The following SLCO3A1 variants were observed in gnomAD, a reference collection of about 807,000 sequenced individuals.
SLCO3A1 encodes PGE1 transporter.
SLCO3A1 carries 27 observed loss-of-function variants against 63.1 expected under a neutral mutation model. The observed-to-expected ratio is 0.43, with a 90% CI of 0.32 to 0.59. The LOEUF (loss-of-function observed/expected upper bound fraction) is 0.59, where lower values mean the gene tolerates loss of function less well. SLCO3A1 is among the 20% of genes least tolerant of loss of function. The probability of loss-of-function intolerance (pLI) is 0.09; values close to 1 mark genes in which losing one functional copy is unlikely to be tolerated. For missense variants in SLCO3A1, 773 were observed against 945.8 expected, an observed-to-expected ratio of 0.82 and a Z score of 2.40; for synonymous variants, 473 against 409.9, an observed-to-expected ratio of 1.15 and a Z score of -1.86.
rs767940413 is a variant in SLCO3A1 at position 91,860,893 on chromosome 15, CA to C, written c.180+6807del. Among the ~76,000 whole-genome samples the C allele has an allele frequency of 5.3e-5, 8 of 152,100 alleles. No individual in the cohort carries two copies. The highest frequency in any genetic ancestry group is 1.2e-4 in the Non-Finnish European group (8 of 68,020). The stretch of plus-strand genomic sequence containing the variant: ...TTTTTTTGGTTTCTCATAAGCAGAA[CA>C]ATGGACCTGTTCCTGCAACCTGGTT... On this transcript the variant is annotated intron_variant, in intron 1 of 9. Coordinates refer to ENST00000318445, the MANE Select transcript of SLCO3A1 (RefSeq NM_013272.4). The surrounding 1 kb of genome is among the most constrained non-coding windows in gnomAD (Gnocchi z 5.5).
At position 91,916,447 on chromosome 15, in the gene SLCO3A1, C is replaced by A; in HGVS notation, c.635C>A (p.Ser212Ter). The A allele has an allele frequency of 6.2e-7, 1 of 1,607,118 alleles. No individual in the cohort carries two copies. The highest frequency in any genetic ancestry group is 8.5e-7 in the Non-Finnish European group (1 of 1,176,880). The change falls in exon 2 of 10, where the codon TCG becomes TAG. Residue 212 changes from serine to a stop codon, truncating the protein, a stop_gained. Transcript: ENST00000318445. LOFTEE classifies it high-confidence loss of function. This position sits in a 1 kb window ranked among gnomAD's most constrained non-coding sequence, Gnocchi z 6.2. ...GACCACGTGCGGAGGAAGGACTCCTCGCTCTATATAGGTAGGAGCTGCCCC... is the reference window on the plus strand; with the variant it reads ...GACCACGTGCGGAGGAAGGACTCCTAGCTCTATATAGGTAGGAGCTGCCCC... ...IDDHVRRKDS[S>*]LYIGILFTML...
At chr15:92,076,181 G>A (rs2047274015) in intron 2 of SLCO3A1, among the ~76,000 whole-genome samples, 1 of 152,192 alleles carries the variant, frequency 6.6e-6, no homozygotes, top group East Asian at 1.9e-4. Flanking sequence ...CTCACATCTT[G>A]ACTGTTTTCC....
At chr15:91,893,265 G>A (rs1897916904) in intron 1 of SLCO3A1, among the ~76,000 whole-genome samples, 1 of 152,218 alleles carries the variant, frequency 6.6e-6, no homozygotes, top group Non-Finnish European at 1.5e-5. Flanking sequence ...CTGTTGGACA[G>A]CCCTGTTCCA....
At chr15:92,154,438 G>A (rs886548938) in intron 9 of SLCO3A1, among the ~76,000 whole-genome samples, 2 of 152,234 alleles carry the variant, frequency 1.3e-5, no homozygotes, top group Admixed American at 1.3e-4. Context: ...CACTTGAAAT[G>A]TGGCTTCTGT....
chr15:91,978,244 TC>T (rs1901194024), intron 2 of SLCO3A1, among the ~76,000 whole-genome samples: 2 of 152,192 alleles, frequency 1.3e-5, no homozygotes, highest in Admixed American at 6.5e-5. Context: ...TGCGGTACCC[TC>T]CCTTCTCACT....
chr15:92,142,279 A>G (rs1421135420), intron 7 of SLCO3A1, among the ~76,000 whole-genome samples: 2 of 152,206 alleles, frequency 1.3e-5, no homozygotes, highest in African/African-American at 4.8e-5. Flanking sequence ...TGGCTGCTAT[A>G]TCAAAACACT....
chr15:92,107,857 C>T (rs1475993042), intron 4 of SLCO3A1, among the ~76,000 whole-genome samples: 1 of 152,240 alleles, frequency 6.6e-6, no homozygotes, highest in African/African-American at 2.4e-5. Context: ...TCAGTCGCTT[C>T]TTAATCATGC....
intron 2 of SLCO3A1, among the ~76,000 whole-genome samples, chr15:92,016,239 A>T (rs993848773): frequency 4.2e-4 from 27 of 63,784 alleles, no homozygotes; most frequent in African/African-American, 2.5e-3. Flanking sequence ...ATAGATAGAT[A>T]GATAGATAGA....
chr15:91,944,758 C>CT (rs768147627), intron 2 of SLCO3A1, among the ~76,000 whole-genome samples: 7 of 152,008 alleles, frequency 4.6e-5, no homozygotes, highest in Non-Finnish European at 8.8e-5. Context: ...ATCGAGGGGG[C>CT]TTTTCTTCCC....
intron 2 of SLCO3A1, among the ~76,000 whole-genome samples, chr15:92,001,586 G>A (rs544144018): frequency 6.6e-6 from 1 of 152,258 alleles, no homozygotes; most frequent in East Asian, 1.9e-4. Flanking sequence ...TTCAGCTCTG[G>A]GTCTCACATG....
rs572308399 is a variant in SLCO3A1, at chr15:92,107,129, G to A, written c.1009+2587G>A. ...TCAGGTAGACAAGTCTGGGACCCGCGAGGCCATATTGATTACAAATTGTGA... is the reference window on the plus strand; with the variant it reads ...TCAGGTAGACAAGTCTGGGACCCGCAAGGCCATATTGATTACAAATTGTGA... On this transcript the variant is annotated intron_variant, in intron 4 of 9. Coordinates refer to ENST00000318445, the MANE Select transcript of SLCO3A1 (RefSeq NM_013272.4). Among the ~76,000 whole-genome samples, 8 of 152,296 alleles carry A rather than the reference G, an allele frequency of 5.3e-5. No homozygotes were observed. The South Asian group carries it at 1.2e-3, about 24-fold the overall frequency.
intron 3 of SLCO3A1, among the ~76,000 whole-genome samples, chr15:92,102,912 C>T (rs187488876): frequency 2.6e-4 from 39 of 152,294 alleles, no homozygotes; most frequent in Admixed American, 2.5e-3. Flanking sequence ...ACCTGGGCAA[C>T]GAACCTAACC....
chr15:92,128,552 A>G (rs2047954746), intron 7 of SLCO3A1, 63 bp downstream of exon 7: 1 of 1,474,880 alleles, frequency 6.8e-7, no homozygotes, highest in Non-Finnish European at 9.1e-7. Flanking sequence ...TTAAAACCCA[A>G]GTTTTTGCCC....
chr15:92,009,716 C>T (rs1460216767), intron 2 of SLCO3A1, among the ~76,000 whole-genome samples: 1 of 152,194 alleles, frequency 6.6e-6, no homozygotes, highest in Non-Finnish European at 1.5e-5. Context: ...ACAGAACTTA[C>T]CTCCTTCTAA....
At chr15:92,144,583 T>C (rs2048195447) in intron 7 of SLCO3A1, among the ~76,000 whole-genome samples, 2 of 152,244 alleles carry the variant, frequency 1.3e-5, no homozygotes, top group African/African-American at 4.8e-5. Flanking sequence ...GTTCTGCCTG[T>C]GTCTGTGGTT....
At chr15:92,139,674 G>C (rs767082325) in intron 7 of SLCO3A1, among the ~76,000 whole-genome samples, 12 of 152,162 alleles carry the variant, frequency 7.9e-5, no homozygotes, top group Non-Finnish European at 1.5e-4. Context: ...GGTCTATTCC[G>C]AGATTCAACT....
chr15:92,060,799 C>T (rs1040980547), intron 2 of SLCO3A1, among the ~76,000 whole-genome samples: 3 of 152,120 alleles, frequency 2.0e-5, no homozygotes, highest in Non-Finnish European at 2.9e-5. Flanking sequence ...TGTGCCCGGC[C>T]GGTACTTTTT....
chr15:91,982,523 G>C (rs752835660), intron 2 of SLCO3A1, among the ~76,000 whole-genome samples: 7 of 152,296 alleles, frequency 4.6e-5, no homozygotes, highest in Non-Finnish European at 1.0e-4. Flanking sequence ...AACATCTTGG[G>C]TGGACATTCC....
At chr15:91,999,119 G>A (rs1333335101) in intron 2 of SLCO3A1, among the ~76,000 whole-genome samples, 1 of 152,176 alleles carries the variant, frequency 6.6e-6, no homozygotes, top group African/African-American at 2.4e-5. Context: ...GGCAATAATA[G>A]ACACTGGGGA....
Sources: allele counts gnomAD v4.1 joint callset (sites outside exome capture counted in the v4.1 genomes callset), GRCh38; gene constraint gnomAD v4.1.1; non-coding constraint Gnocchi (gnomAD v3.1); transcripts MANE v1.5; gene names NCBI Gene and HGNC (gene_info 2026-07-23, HGNC 2026-07-21).